AKAP9: variants seen among roughly 807,000 people sequenced by gnomAD.
AKAP9 encodes A-kinase anchoring protein 9.
In AKAP9, 311 loss-of-function variants were observed where a neutral mutation model predicts 488.5. The ratio of observed to expected loss-of-function variants is 0.64; its 90% CI spans 0.58 to 0.70. The LOEUF (loss-of-function observed/expected upper bound fraction) is 0.70. Ranked by LOEUF, AKAP9 falls within the 30% of genes least tolerant of loss-of-function variation. The pLI, the probability that AKAP9 is intolerant of heterozygous loss-of-function variation, is 0.00. For missense variants in AKAP9, 4,215 were observed against 4,374.5 expected, an observed-to-expected ratio of 0.96 and a Z score of 1.03; for synonymous variants, 1,462 against 1,483.5, an observed-to-expected ratio of 0.99 and a Z score of 0.33.
In AKAP9 at chr7:92,085,485, T is replaced by C. The variant is rs1226644223; in HGVS notation, c.8833-10T>C. ...TGTCATAATTCTGGCTCTTGGGTTTTGGTTTCCAGGGATTACTGAGAGCTG... is the reference window on the plus strand; with the variant it reads ...TGTCATAATTCTGGCTCTTGGGTTTCGGTTTCCAGGGATTACTGAGAGCTG... On this transcript the variant is annotated splice_polypyrimidine_tract_variant and intron_variant, in intron 35 of 49. Coordinates refer to ENST00000356239, the MANE Select transcript of AKAP9 (RefSeq NM_005751.5). 8 of 1,613,802 alleles carry C rather than the reference T, an allele frequency of 5.0e-6. No homozygotes were observed. The highest frequency in any genetic ancestry group is 6.8e-6 in the Non-Finnish European group (8 of 1,179,854).
chr7:92,020,715 C>T (rs568920493), intron 12 of AKAP9, among the ~76,000 whole-genome samples: 22 of 152,254 alleles, frequency 1.4e-4, no homozygotes, highest in Middle Eastern at 3.4e-3. Context: ...ACAGTAAAGG[C>T]TTAATAAATG....
intron 28 of AKAP9, among the ~76,000 whole-genome samples, chr7:92,073,274 ATTACTAGG>A (rs1409936725): frequency 6.6e-6 from 1 of 151,554 alleles, no homozygotes; most frequent in Non-Finnish European, 1.5e-5. Flanking sequence ...AGGTGGGTGG[ATTACTAGG>A]TCAGGAGAGC....
chr7:92,039,482 G>T (rs776179028), intron 17 of AKAP9, among the ~76,000 whole-genome samples: 16 of 152,148 alleles, frequency 1.1e-4, no homozygotes, highest in African/African-American at 3.4e-4. Flanking sequence ...AAGACTAAAA[G>T]ATTTTACTAT....
chr7:92,068,194 A>G (rs989495587), intron 26 of AKAP9, among the ~76,000 whole-genome samples: 4 of 151,162 alleles, frequency 2.6e-5, no homozygotes, highest in Non-Finnish European at 5.9e-5. Context: ...CCCCATCTCT[A>G]CTAAAAATAC....
chr7:92,098,913 A>G (rs1429633277), intron 43 of AKAP9, among the ~76,000 whole-genome samples: 1 of 152,122 alleles, frequency 6.6e-6, no homozygotes, highest in East Asian at 1.9e-4. Context: ...TCTAGTCTAG[A>G]CTTCTGTCCT....
chr7:91,964,903 A>T (rs1361274397), intron 1 of AKAP9, among the ~76,000 whole-genome samples: 1 of 152,160 alleles, frequency 6.6e-6, no homozygotes, highest in Non-Finnish European at 1.5e-5. Context: ...TTTACTTTAA[A>T]ATTTTTATTG....
In AKAP9 at chr7:92,079,518, A is replaced by G. The variant is rs1258415924; in HGVS notation, c.7385A>G (p.Lys2462Arg). Reference protein sequence around the residue: ...NVAIDHLSKDKPELEVVLTED... With the variant: ...NVAIDHLSKDRPELEVVLTED... Reference sequence around the variant, plus strand: ...GCTATAGATCATCTGAGCAAAGACAAACCTGAACTAGAAGTAGTCCTTACA... The same window carrying G: ...GCTATAGATCATCTGAGCAAAGACAGACCTGAACTAGAAGTAGTCCTTACA... Residue 2462 changes from lysine to arginine, a missense_variant, in exon 31 of 50, where the codon AAA becomes AGA. This residue lies in a region of AKAP9 where 1,476 missense variants were observed against 1,477.4 expected (regional missense o/e 1.00). Transcript: ENST00000356239. 2 of 1,613,822 alleles carry G rather than the reference A, an allele frequency of 1.2e-6. No individual in the cohort carries two copies. Among genetic ancestry groups the G allele is most frequent in the Non-Finnish European group, 1.7e-6 (2 of 1,180,022 alleles).
intron 39 of AKAP9, 33 bp downstream of exon 39, chr7:92,093,349 C>A (rs200722852): frequency 1.9e-6 from 3 of 1,576,182 alleles, no homozygotes; most frequent in Non-Finnish European, 2.6e-6. Context: ...AAACATGTAA[C>A]AAGGAGTGGG....
intron 45 of AKAP9, 146 bp from the exon 46 acceptor site, chr7:92,102,448 T>TTATTACTAC: frequency 1.7e-6 from 1 of 594,164 alleles, no homozygotes; most frequent in East Asian, 2.9e-5. Flanking sequence ...CGTTTTACTA[T>TTATTACTAC]TACTACTACT....
At position 91,991,763 on chromosome 7, in the gene AKAP9, A is replaced by G. The variant is rs903721175; in HGVS notation, c.352-395A>G. The stretch of plus-strand genomic sequence containing the variant: ...TGGGATTACAGGCGTGAGCCACCAC[A>G]CCCGACCTAAATTGTTTTACTTGAA... On this transcript the variant is annotated intron_variant, in intron 3 of 49. Coordinates refer to ENST00000356239, the MANE Select transcript of AKAP9 (RefSeq NM_005751.5). Among the ~76,000 whole-genome samples, 10 of 151,970 alleles carry G rather than the reference A, an allele frequency of 6.6e-5. No individual in the cohort carries two copies. The South Asian group carries it at 1.2e-3, about 19-fold the overall frequency.
intron 2 of AKAP9, among the ~76,000 whole-genome samples, chr7:91,975,736 T>C (rs1303579460): frequency 1.3e-5 from 2 of 152,136 alleles, no homozygotes; most frequent in African/African-American, 4.8e-5. Context: ...GGTTTTTTTT[T>C]AACCATTGAG....
intron 1 of AKAP9, among the ~76,000 whole-genome samples, chr7:91,941,469 AT>A (rs1790751314): frequency 6.6e-6 from 1 of 151,796 alleles, no homozygotes; most frequent in African/African-American, 2.4e-5. Flanking sequence ...CCGATCTTTC[AT>A]TTTTTTAAGG....
In AKAP9 at chr7:92,093,207, G is replaced by A; in HGVS notation, c.9469G>A (p.Glu3157Lys). 1 of 1,614,178 alleles carries A rather than the reference G, an allele frequency of 6.2e-7. No individual in the cohort carries two copies. The highest frequency in any genetic ancestry group is 8.5e-7 in the Non-Finnish European group (1 of 1,180,022). ...GGAACTGCAGGAGCAGCTGAGTTCT[G>A]AGAAAATGGTGGTTGCTGAACTGAA... Reference protein sequence around the residue: ...ATELQEQLSSEKMVVAELKSE... With the variant: ...ATELQEQLSSKKMVVAELKSE... The change falls in exon 39 of 50, where the codon GAG becomes AAG. Residue 3157 changes from glutamate (E) to lysine (K), a missense_variant. By Grantham distance (56) the Glu-to-Lys change is moderately conservative. This residue lies in a region of AKAP9 where 1,476 missense variants were observed against 1,477.4 expected (regional missense o/e 1.00). Coordinates refer to ENST00000356239, the MANE Select transcript of AKAP9 (RefSeq NM_005751.5).
chr7:92,103,893 A>AT (rs1818064762), intron 46 of AKAP9, among the ~76,000 whole-genome samples: 1 of 152,202 alleles, frequency 6.6e-6, no homozygotes, highest in Non-Finnish European at 1.5e-5. Flanking sequence ...ATCAGAGGTT[A>AT]GCCTTTAAGG....
chr7:92,104,190 ATT>A (rs879741854), intron 46 of AKAP9, among the ~76,000 whole-genome samples: 3 of 142,566 alleles, frequency 2.1e-5, no homozygotes, highest in Admixed American at 6.9e-5. Context: ...TTATTTATTT[ATT>A]TTTTTTTTTT....
intron 16 of AKAP9, among the ~76,000 whole-genome samples, chr7:92,033,966 A>G (rs755766967): frequency 9.9e-5 from 15 of 152,214 alleles, no homozygotes; most frequent in Non-Finnish European, 1.9e-4. Flanking sequence ...TGGTACAGAT[A>G]GACAACATAC....
In AKAP9 at chr7:92,001,006, A is replaced by G; in HGVS notation, c.1089A>G (p.Gln363=). 6.4e-7 allele frequency: 1 copy of G among 1,555,608 alleles called. No homozygotes were observed. The highest frequency in any genetic ancestry group is 8.7e-7 in the Non-Finnish European group (1 of 1,151,852). The change falls in exon 8 of 50, where the codon CAA becomes CAG. Residue 363 remains glutamine (Q), a synonymous_variant. Coordinates refer to ENST00000356239, the MANE Select transcript of AKAP9 (RefSeq NM_005751.5). ...CTGATAAATTACTAGGAGAATTACAAGAACAGATTGTGCAAAAGAACCAAG... is the reference window on the plus strand; with the variant it reads ...CTGATAAATTACTAGGAGAATTACAGGAACAGATTGTGCAAAAGAACCAAG... ...TTADKLLGEL[Q]EQIVQKNQEI...
chr7:92,084,718 T>A lies in AKAP9; in HGVS notation c.8710+15T>A. On this transcript the variant is annotated intron_variant, in intron 34 of 49. Coordinates refer to ENST00000356239, the MANE Select transcript of AKAP9 (RefSeq NM_005751.5). ...ATGCTCCAGTGGTAAGTTATATAAA[T>A]ATTTGTAATGTTTGTAGTAGTTGTT... 1 of 1,609,530 alleles carries A rather than the reference T, an allele frequency of 6.2e-7. No individual in the cohort carries two copies. The highest frequency in any genetic ancestry group is 1.1e-5 in the South Asian group (1 of 90,802).
intron 39 of AKAP9, among the ~76,000 whole-genome samples, chr7:92,094,082 C>G (rs1420434948): frequency 1.3e-5 from 2 of 151,870 alleles, no homozygotes; most frequent in African/African-American, 4.8e-5. Flanking sequence ...CACTCCTGAC[C>G]TCAGGTGACC....
Sources: gnomAD v4.1 joint callset for allele counts (sites outside exome capture counted in the v4.1 genomes callset) on GRCh38, gnomAD v4.1.1 for gene constraint, gnomAD v4.1.1 regional missense constraint, MANE v1.5 for transcripts, NCBI Gene and HGNC (gene_info 2026-07-23, HGNC 2026-07-21) for gene names.